Variants in INPP5D observed in about 807,000 individuals in gnomAD.
INPP5D encodes the protein inositol polyphosphate-5-phosphatase D.
A neutral mutation model predicts 122.9 loss-of-function variants in INPP5D; 33 were observed. That is an observed-to-expected ratio of 0.27 (90% CI 0.20 to 0.36). The LOEUF is 0.36. INPP5D is among the 10% of genes least tolerant of loss of function. INPP5D has a pLI of 1.00. For synonymous variants in INPP5D, 584 were observed against 576.2 expected (o/e 1.01, Z -0.19); for missense variants, 1,053 against 1,412.7 (o/e 0.75, Z 4.08).
intron 21 of INPP5D, among the ~76,000 whole-genome samples, chr2:233,186,914 G>A (rs1694937140): frequency 6.6e-6 from 1 of 150,910 alleles, no homozygotes; most frequent in Admixed American, 6.6e-5. Context: ...GTAGAGATGG[G>A]GTTCCTCATG....
chr2:233,071,986 A>G (rs976064864), intron 1 of INPP5D, among the ~76,000 whole-genome samples: 2 of 152,186 alleles, frequency 1.3e-5, no homozygotes, highest in African/African-American at 4.8e-5. Context: ...CCAAATACTT[A>G]TGACACTTAT....
At position 233,190,575 on chromosome 2, in the gene INPP5D, G is replaced by C. The variant is rs548725027; in HGVS notation, c.2446+638G>C. ...TGGGGTGCTGGAAACACAGCTCAGGGCTCTCTGGTCTTCTGCTCAGCATCG... is the reference window on the plus strand; with the variant it reads ...TGGGGTGCTGGAAACACAGCTCAGGCCTCTCTGGTCTTCTGCTCAGCATCG... On this transcript the variant is annotated intron_variant, in intron 22 of 26. Coordinates refer to ENST00000445964, the MANE Select transcript of INPP5D (RefSeq NM_001017915.3). Among the ~76,000 whole-genome samples, 344 of 152,322 alleles carry C rather than the reference G, an allele frequency of 2.3e-3. 9 individuals carry two copies. In the East Asian group the frequency reaches 0.059, roughly 26 times the overall value.
intron 4 of INPP5D, among the ~76,000 whole-genome samples, chr2:233,126,880 A>C (rs1056791520): frequency 3.3e-5 from 5 of 151,968 alleles, no homozygotes; most frequent in Non-Finnish European, 5.9e-5. Flanking sequence ...AAATTGCGCC[A>C]CTGCACTCCA....
chr2:233,073,541 G>A (rs1691438184), intron 1 of INPP5D, among the ~76,000 whole-genome samples: 1 of 149,322 alleles, frequency 6.7e-6, no homozygotes, highest in South Asian at 2.1e-4. Flanking sequence ...TCCGGAGGCT[G>A]AGACAGGAGA....
chr2:233,137,861 T>A lies in INPP5D; in HGVS notation c.666-1981T>A, dbSNP rs1181144384. Among the ~76,000 whole-genome samples, 35 of 24,906 alleles carry A rather than the reference T, an allele frequency of 1.4e-3. 1 individual carries two copies. The highest frequency in any genetic ancestry group is 3.2e-3 in the African/African-American group (21 of 6,594). 16.3% of individuals were successfully genotyped at this position (24,906 alleles called of 152,430 possible). A position where few individuals can be genotyped will look rare whatever the true frequency, so the allele number is the denominator to read the frequency against. On this transcript the variant is annotated intron_variant, in intron 5 of 26. Coordinates refer to ENST00000445964, the MANE Select transcript of INPP5D (RefSeq NM_001017915.3). ...AAAAAAAAAAAAAAAAAAATATATATATATATATATATATATATATATATA... is the reference window on the plus strand; with the variant it reads ...AAAAAAAAAAAAAAAAAAATATATAAATATATATATATATATATATATATA...
rs1215892633 is a variant in INPP5D, at chr2:233,137,847, AAAAAAAATATATATATATATATATAT to A, written c.666-1993_666-1968del. Among the ~76,000 whole-genome samples the A allele has an allele frequency of 9.4e-4, 15 of 15,910 alleles. 3 individuals carry two copies. Among genetic ancestry groups the A allele is most frequent in the African/African-American group, 2.5e-3 (15 of 6,024 alleles). The allele number at this position is 15,910 out of a possible 152,430, so 10.4% of individuals were successfully genotyped here. A position where few individuals can be genotyped will look rare whatever the true frequency, so the allele number is the denominator to read the frequency against. On this transcript the variant is annotated intron_variant, in intron 5 of 26. Coordinates refer to ENST00000445964, the MANE Select transcript of INPP5D (RefSeq NM_001017915.3). ...AACTCCATCACAAAAAAAAAAAAAA[AAAAAAAATATATATATATATATATAT>A]ATATATATATATATATATATATATA...
chr2:233,108,396 C>T (rs1692521851), intron 2 of INPP5D, among the ~76,000 whole-genome samples: 1 of 152,234 alleles, frequency 6.6e-6, no homozygotes, highest in African/African-American at 2.4e-5. Flanking sequence ...GACTCAGTTT[C>T]CCCATCTGTA....
chr2:233,198,838 T>A (rs1361329128), intron 25 of INPP5D, among the ~76,000 whole-genome samples: 4 of 152,024 alleles, frequency 2.6e-5, no homozygotes, highest in Admixed American at 6.5e-5. Context: ...TAATCCCAGC[T>A]ACTCAGGAGG....
chr2:233,169,257 AGTGTGTCTGTTT>A, intron 13 of INPP5D, 36 bp from the exon 14 acceptor site: 2 of 1,555,634 alleles, frequency 1.3e-6, no homozygotes, highest in Non-Finnish European at 1.7e-6. Flanking sequence ...CCCCTTGGCA[AGTGTGTCTGTTT>A]GATATTTTGA....
chr2:233,174,940 T>C (rs985945187), intron 17 of INPP5D, among the ~76,000 whole-genome samples: 2 of 152,102 alleles, frequency 1.3e-5, no homozygotes, highest in Admixed American at 1.3e-4. Flanking sequence ...GGTATAAGAA[T>C]GTTTAGCCGG....
At chr2:233,144,546 TGGTG>T (rs1693703462) in intron 6 of INPP5D, among the ~76,000 whole-genome samples, 1 of 114,486 alleles carries the variant, frequency 8.7e-6, no homozygotes, top group African/African-American at 3.3e-5. Flanking sequence ...GAGGTGGTGG[TGGTG>T]ATGGTGAGGG....
chr2:233,126,919 T>TA (rs34152360), intron 4 of INPP5D, among the ~76,000 whole-genome samples: 61,833 of 147,100 alleles, frequency 0.42, 13,107 homozygotes, highest in South Asian at 0.5. Context: ...AAACTGCGTC[T>TA]AAAAAAAAAA....
At position 233,195,843 on chromosome 2, in the gene INPP5D, G is replaced by T. The variant is rs116377800; in HGVS notation, c.2693+348G>T. ...TTAGCTGGGCGTGGTGGTGGCACACGCCTCTAATCCCAGCTACTCTGGAGG... is the reference window on the plus strand; with the variant it reads ...TTAGCTGGGCGTGGTGGTGGCACACTCCTCTAATCCCAGCTACTCTGGAGG... On this transcript the variant is annotated intron_variant, in intron 24 of 26. Coordinates refer to ENST00000445964, the MANE Select transcript of INPP5D (RefSeq NM_001017915.3). Among the ~76,000 whole-genome samples the T allele has an allele frequency of 5.2e-3, 789 of 152,234 alleles. 8 individuals are homozygous for T. The highest frequency in any genetic ancestry group is 0.018 in the African/African-American group (757 of 41,534).
intron 24 of INPP5D, among the ~76,000 whole-genome samples, chr2:233,196,152 G>C (rs1282243220): frequency 6.6e-6 from 1 of 152,078 alleles, no homozygotes; most frequent in Non-Finnish European, 1.5e-5. Flanking sequence ...CACTAGCATG[G>C]CTCTGCAAAC....
chr2:233,131,906 A>C (rs1467277308), intron 5 of INPP5D, among the ~76,000 whole-genome samples: 1 of 152,238 alleles, frequency 6.6e-6, no homozygotes, highest in Non-Finnish European at 1.5e-5. Flanking sequence ...TCAGTAATCA[A>C]ATTCGACTTT....
Position 233,203,204 on chromosome 2 carries a change from G to A in INPP5D, c.2976-922G>A, listed in dbSNP as rs1468677546. On this transcript the variant is annotated intron_variant, in intron 25 of 26. Transcript: ENST00000445964. ...TGGTTCCTGAGGAGGAGGTGTGATC[G>A]CCTTCCTGAGCGGTCATGCAAATGC... 2.6e-5 allele frequency among the ~76,000 whole-genome samples: 4 copies of A among 152,184 alleles called. No individual in the cohort carries two copies. In the South Asian group the frequency reaches 6.2e-4, roughly 24 times the overall value.
intron 2 of INPP5D, 123 bp downstream of exon 2, chr2:233,079,521 C>T: frequency 1.4e-6 from 1 of 697,728 alleles, no homozygotes; most frequent in East Asian, 2.7e-5. Context: ...CTGGCTGAGC[C>T]TGGCTTCCTC....
intron 26 of INPP5D, 86 bp downstream of exon 26, chr2:233,204,803 TGC>T: frequency 1.4e-6 from 2 of 1,428,172 alleles, no homozygotes; most frequent in Non-Finnish European, 1.8e-6. Context: ...CATATGTGTG[TGC>T]ATGTGTGTGT....
In INPP5D at chr2:233,060,530, C is replaced by G; in HGVS notation, c.52C>G (p.Leu18Val). 6.2e-7 allele frequency: 1 copy of G among 1,613,848 alleles called. No individual in the cohort carries two copies. Among genetic ancestry groups the G allele is most frequent in the Non-Finnish European group, 8.5e-7 (1 of 1,179,814 alleles). The change falls in exon 1 of 27, where the codon CTG becomes GTG. Residue 18 changes from leucine (L) to valine (V), a missense_variant. By Grantham distance (32) the Leu-to-Val change is conservative. This residue lies in a region of INPP5D where 74 missense variants were observed against 146.6 expected (regional missense o/e 0.50). Coordinates refer to ENST00000445964, the MANE Select transcript of INPP5D (RefSeq NM_001017915.3). Reference sequence around the variant, plus strand: ...CATCACCCGCTCCAAGGCGGAGGAGCTGCTTTCCAGGACAGGCAAGGACGG... The same window carrying G: ...CATCACCCGCTCCAAGGCGGAGGAGGTGCTTTCCAGGACAGGCAAGGACGG... Reference protein sequence around the residue: ...GNITRSKAEELLSRTGKDGSF... With the variant: ...GNITRSKAEEVLSRTGKDGSF...
Sources: gnomAD v4.1 joint callset for allele counts (sites outside exome capture counted in the v4.1 genomes callset) on GRCh38, gnomAD v4.1.1 for gene constraint, gnomAD v4.1.1 regional missense constraint, MANE v1.5 for transcripts, NCBI Gene and HGNC (gene_info 2026-07-23, HGNC 2026-07-21) for gene names.